The following CHRNA7 variants were observed in gnomAD, a reference collection of about 807,000 sequenced individuals.
The protein encoded by CHRNA7 is neuronal acetylcholine receptor subunit alpha-7.
CHRNA7 carries 17 observed loss-of-function variants against 48.0 expected under a neutral mutation model. The observed-to-expected ratio is 0.35, with a 90% CI of 0.24 to 0.53. CHRNA7 has a LOEUF of 0.53. CHRNA7 is among the 20% of genes least tolerant of loss of function. The pLI is 0.92. For missense variants in CHRNA7, 155 were observed against 577.7 expected (o/e 0.27, Z 7.50); for synonymous variants, 75 against 242.3 (o/e 0.31, Z 6.41).
intron 4 of CHRNA7, among the ~76,000 whole-genome samples, chr15:32,145,235 C>A (rs2051463478): frequency 6.6e-6 from 1 of 152,196 alleles, no homozygotes; most frequent in Non-Finnish European, 1.5e-5. Context: ...GCCTGAGTAT[C>A]ACCAGCAGAG....
intron 2 of CHRNA7, among the ~76,000 whole-genome samples, chr15:32,086,848 G>A (rs770653890): frequency 6.6e-5 from 10 of 152,158 alleles, no homozygotes; most frequent in Non-Finnish European, 1.2e-4. Flanking sequence ...AGACAGCAGA[G>A]TATTATATGT....
intron 2 of CHRNA7, among the ~76,000 whole-genome samples, chr15:32,059,596 C>A (rs1261888550): frequency 6.6e-6 from 1 of 152,060 alleles, no homozygotes; most frequent in Non-Finnish European, 1.5e-5. Context: ...TGCTAAGGAG[C>A]ATTACAGTGG....
chr15:32,148,937 C>T (rs1345026232), intron 4 of CHRNA7, among the ~76,000 whole-genome samples: 6 of 152,196 alleles, frequency 3.9e-5, no homozygotes, highest in East Asian at 1.9e-4. Flanking sequence ...CACCTCTCCT[C>T]CTCCTACCCC....
At chr15:32,136,755 G>A (rs899779168) in intron 4 of CHRNA7, among the ~76,000 whole-genome samples, 1 of 130,802 alleles carries the variant, frequency 7.6e-6, no homozygotes, top group Admixed American at 6.9e-5. Context: ...GGAGAAGGCC[G>A]GCGCGGTGGC....
chr15:32,096,306 A>G (rs145064319), intron 2 of CHRNA7, among the ~76,000 whole-genome samples: 126 of 152,260 alleles, frequency 8.3e-4, no homozygotes, highest in African/African-American at 3.0e-3. Flanking sequence ...GTACTTGTTC[A>G]TCTTTTGCCC....
intron 2 of CHRNA7, among the ~76,000 whole-genome samples, chr15:32,044,211 C>A (rs2049497139): frequency 6.6e-6 from 1 of 151,758 alleles, no homozygotes; most frequent in African/African-American, 2.4e-5. Context: ...TGGTTTCATT[C>A]ACAAGTTTTG....
intron 2 of CHRNA7, among the ~76,000 whole-genome samples, chr15:32,038,602 C>T (rs2049393914): frequency 1.3e-5 from 2 of 152,174 alleles, no homozygotes; most frequent in Admixed American, 6.5e-5. Flanking sequence ...CTCCTGAGCT[C>T]AGTTGATCTG....
intron 2 of CHRNA7, among the ~76,000 whole-genome samples, chr15:32,050,082 T>A (rs1482624184): frequency 6.6e-6 from 1 of 152,220 alleles, no homozygotes; most frequent in Non-Finnish European, 1.5e-5. Context: ...CTTAACGTTT[T>A]TTCTTTCATT....
At chr15:32,109,822 C>G (rs562822135) in intron 3 of CHRNA7, among the ~76,000 whole-genome samples, 1 of 152,324 alleles carries the variant, frequency 6.6e-6, no homozygotes, top group African/African-American at 2.4e-5. Context: ...AGGCTGTGAT[C>G]TGGCCGGGGA....
At chr15:32,098,900 A>ACACACT (rs2050521378) in intron 2 of CHRNA7, 1 of 154,382 alleles carries the variant, frequency 6.5e-6, no homozygotes, top group Non-Finnish European at 1.4e-5. Context: ...ACACACACAC[A>ACACACT]CACACACACT....
At chr15:32,042,766 A>G (rs935983416) in intron 2 of CHRNA7, among the ~76,000 whole-genome samples, 1 of 152,190 alleles carries the variant, frequency 6.6e-6, no homozygotes, top group Non-Finnish European at 1.5e-5. Context: ...GGCTCCAAGA[A>G]GAGCTGTTGT....
chr15:32,084,437 G>A (rs2050262965), intron 2 of CHRNA7, among the ~76,000 whole-genome samples: 1 of 152,164 alleles, frequency 6.6e-6, no homozygotes, highest in African/African-American at 2.4e-5. Context: ...TGACTGGGCG[G>A]CAATGTGCAT....
intron 2 of CHRNA7, among the ~76,000 whole-genome samples, chr15:32,091,418 T>C (rs2050379948): frequency 6.6e-6 from 1 of 152,162 alleles, no homozygotes; most frequent in Non-Finnish European, 1.5e-5. Flanking sequence ...GGTCCTCAAG[T>C]TTTACTGGTC....
chr15:32,035,611 G>C (rs888440230), intron 2 of CHRNA7, among the ~76,000 whole-genome samples: 1 of 152,096 alleles, frequency 6.6e-6, no homozygotes, highest in Non-Finnish European at 1.5e-5. Flanking sequence ...TTCCTTTGGG[G>C]GGCCCTCTGT....
intron 4 of CHRNA7, among the ~76,000 whole-genome samples, chr15:32,127,315 C>T (rs1358883954): frequency 6.6e-6 from 1 of 152,076 alleles, no homozygotes; most frequent in African/African-American, 2.4e-5. Flanking sequence ...TGTTTCCATT[C>T]GTCTGGTATA....
intron 4 of CHRNA7, among the ~76,000 whole-genome samples, chr15:32,129,922 A>AT (rs2051128035): frequency 1.3e-5 from 2 of 151,598 alleles, no homozygotes; most frequent in Admixed American, 1.3e-4. Flanking sequence ...AGTTCAGTGT[A>AT]TTTTTTTCCA....
chr15:32,138,052 TC>T (rs1205753342), intron 4 of CHRNA7, among the ~76,000 whole-genome samples: 1 of 151,296 alleles, frequency 6.6e-6, no homozygotes, highest in African/African-American at 2.4e-5. Flanking sequence ...TAACATTAAC[TC>T]CAATGAAAAA....
chr15:32,041,871 A>G (rs2049455846), intron 2 of CHRNA7, among the ~76,000 whole-genome samples: 1 of 152,142 alleles, frequency 6.6e-6, no homozygotes, highest in Non-Finnish European at 1.5e-5. Context: ...TAGGAGTTCC[A>G]TCTCTGTGCT....
chr15:32,054,750 TC>T (rs2049755748), intron 2 of CHRNA7, among the ~76,000 whole-genome samples: 1 of 152,244 alleles, frequency 6.6e-6, no homozygotes, highest in Admixed American at 6.5e-5. Flanking sequence ...AGCTCTTCTT[TC>T]TTCATTTCTA....
Sources: gnomAD v4.1 joint callset for allele counts (sites outside exome capture counted in the v4.1 genomes callset) on GRCh38, gnomAD v4.1.1 for gene constraint, MANE v1.5 for transcripts, NCBI Gene and HGNC (gene_info 2026-07-23, HGNC 2026-07-21) for gene names.